The following ACSM1 variants were observed in gnomAD, a reference collection of about 807,000 sequenced individuals.
ACSM1 encodes acyl-coenzyme A synthetase ACSM1, mitochondrial.
In ACSM1, 79 loss-of-function variants were observed where a neutral mutation model predicts 75.8. That is an observed-to-expected ratio of 1.04 (90% CI 0.87 to 1.26). The LOEUF (loss-of-function observed/expected upper bound fraction) is 1.26, where lower values mean the gene tolerates loss of function less well. Ranked by LOEUF, ACSM1 falls within the 50% of genes most tolerant of loss-of-function variation. ACSM1 has a pLI of 0.00. For missense variants in ACSM1, 676 were observed against 720.1 expected, an observed-to-expected ratio of 0.94 and a Z score of 0.70; for synonymous variants, 279 against 265.8, an observed-to-expected ratio of 1.05 and a Z score of -0.48.
rs2017769309 is a variant in ACSM1 at position 20,637,234 on chromosome 16, A to G, written c.1197+137T>C. On this transcript the variant is annotated intron_variant, in intron 9 of 13. Coordinates refer to ENST00000520010, the MANE Select transcript of ACSM1 (RefSeq NM_001318890.3). ...GTTTTCAACTGAGGCCTCCATATGA[A>G]ACTGAAGGGATAAATGAGAAGAGAG... 14 of 824,018 alleles carry G rather than the reference A, an allele frequency of 1.7e-5. No homozygotes were observed. In the East Asian group the frequency reaches 3.4e-4, roughly 20 times the overall value. 51.0% of individuals were successfully genotyped at this position (824,018 alleles called of 1,614,324 possible). A position where few individuals can be genotyped will look rare whatever the true frequency, so the allele number is the denominator to read the frequency against.
rs181346845 is a variant in ACSM1, at chr16:20,669,003, C to A, written c.912+824G>T. Among the ~76,000 whole-genome samples the A allele has an allele frequency of 2.9e-4, 44 of 152,202 alleles. 1 individual carries two copies. In the South Asian group the frequency reaches 3.9e-3, roughly 14 times the overall value. ...TCCAAGGCCAGGAGACAGAACTCTG[C>A]AGTGGTTGTGCAGAGCGGGTGGATT... On this transcript the variant is annotated intron_variant, in intron 6 of 13. Coordinates refer to ENST00000520010, the MANE Select transcript of ACSM1 (RefSeq NM_001318890.3).
At chr16:20,676,560 A>C (rs2020290391) in intron 4 of ACSM1, among the ~76,000 whole-genome samples, 1 of 152,172 alleles carries the variant, frequency 6.6e-6, no homozygotes, top group Admixed American at 6.5e-5. Flanking sequence ...AATGCAACTC[A>C]GCTTATTAAA....
In ACSM1 at chr16:20,669,814, T is replaced by C. The variant is rs753868890; in HGVS notation, c.912+13A>G. On this transcript the variant is annotated intron_variant, in intron 6 of 13. Coordinates refer to ENST00000520010, the MANE Select transcript of ACSM1 (RefSeq NM_001318890.3). ...CTGGAATTTTGCTGATAGGGGAAGG[T>C]GAGTCTTCTTACCTGTATGATGACC... 1.2e-6 allele frequency: 2 copies of C among 1,609,922 alleles called. No individual in the cohort carries two copies. Among genetic ancestry groups the C allele is most frequent in the Non-Finnish European group, 1.7e-6 (2 of 1,177,588 alleles).
chr16:20,652,593 T>C (rs954980979), intron 7 of ACSM1, among the ~76,000 whole-genome samples: 1 of 151,966 alleles, frequency 6.6e-6, no homozygotes, highest in African/African-American at 2.4e-5. Context: ...ACCACAGAAA[T>C]ACAAACTACC....
At chr16:20,671,435 C>A in intron 5 of ACSM1, 96 bp downstream of exon 5, 7 of 1,265,392 alleles carry the variant, frequency 5.5e-6, no homozygotes, top group South Asian at 1.8e-5. Flanking sequence ...CAGTTCCTTT[C>A]CCAAGACACA....
intron 10 of ACSM1, among the ~76,000 whole-genome samples, chr16:20,633,758 G>A (rs181110708): frequency 5.3e-5 from 8 of 152,148 alleles, no homozygotes; most frequent in East Asian, 1.9e-4. Context: ...GGCCAGGCGC[G>A]GTAGCTCACA....
intron 1 of ACSM1, among the ~76,000 whole-genome samples, chr16:20,694,200 G>A (rs772685160): frequency 1.2e-4 from 18 of 152,290 alleles, no homozygotes; most frequent in Non-Finnish European, 2.5e-4. Flanking sequence ...AGCCAATCGG[G>A]ACAAATACAG....
chr16:20,678,146 C>A (rs896341103), intron 4 of ACSM1, among the ~76,000 whole-genome samples: 1 of 152,132 alleles, frequency 6.6e-6, no homozygotes, highest in African/African-American at 2.4e-5. Context: ...AAGCTACACT[C>A]CAAATGAAAG....
intron 4 of ACSM1, chr16:20,680,956 T>C (rs1407567997): frequency 6.6e-6 from 1 of 152,218 alleles, no homozygotes; most frequent in Non-Finnish European, 1.5e-5. Flanking sequence ...TGGTATCCAG[T>C]TGATGATGAA....
intron 6 of ACSM1, among the ~76,000 whole-genome samples, chr16:20,662,970 T>C (rs2019372734): frequency 6.6e-6 from 1 of 152,110 alleles, no homozygotes; most frequent in Non-Finnish European, 1.5e-5. Context: ...CCTTAGGCTG[T>C]GTTGGTAGAA....
At chr16:20,687,475 G>T (rs1229686806) in intron 2 of ACSM1, among the ~76,000 whole-genome samples, 1 of 152,134 alleles carries the variant, frequency 6.6e-6, no homozygotes, top group East Asian at 1.9e-4. Flanking sequence ...ATTAGTGAAG[G>T]TCTACCCCTG....
chr16:20,678,208 A>G (rs1327996699), intron 4 of ACSM1, among the ~76,000 whole-genome samples: 1 of 151,858 alleles, frequency 6.6e-6, no homozygotes, highest in Non-Finnish European at 1.5e-5. Context: ...GATAGTAAAA[A>G]TTTTCCAGTG....
chr16:20,665,842 A>G (rs1247282439), intron 6 of ACSM1, among the ~76,000 whole-genome samples: 1 of 152,200 alleles, frequency 6.6e-6, no homozygotes, highest in East Asian at 1.9e-4. Context: ...TATGCAGATC[A>G]ATAAACAGGA....
chr16:20,632,155 C>A (rs979131185), intron 10 of ACSM1, among the ~76,000 whole-genome samples: 3 of 151,994 alleles, frequency 2.0e-5, no homozygotes, highest in African/African-American at 7.3e-5. Flanking sequence ...GATCTCAAGC[C>A]GAAAACCTTA....
chr16:20,656,093 T>A (rs1406728423), intron 7 of ACSM1, among the ~76,000 whole-genome samples: 1 of 152,230 alleles, frequency 6.6e-6, no homozygotes, highest in East Asian at 1.9e-4. Context: ...TCACCTTTTG[T>A]TGGCTCCTGT....
rs748430793 is a variant in ACSM1, at chr16:20,636,716, G to A, written c.1299+23C>T. The A allele has an allele frequency of 9.5e-6, 15 of 1,581,674 alleles. No homozygotes were observed. In the South Asian group the frequency reaches 1.2e-4, roughly 13 times the overall value. On this transcript the variant is annotated intron_variant, in intron 10 of 13. Coordinates refer to ENST00000520010, the MANE Select transcript of ACSM1 (RefSeq NM_001318890.3). ...CTGTTGGGATCCTTGGGGCCAGGAT[G>A]GGGGCAGATGGGGGGTCATTACCTC... is the stretch of plus-strand genomic sequence containing the variant.
chr16:20,691,766 T>C lies in ACSM1; in HGVS notation c.-51-527A>G, dbSNP rs1188481663. Among the ~76,000 whole-genome samples, 252 of 54,004 alleles carry C rather than the reference T, an allele frequency of 4.7e-3. 2 individuals are homozygous for C. Among genetic ancestry groups the C allele is most frequent in the African/African-American group, 6.0e-3 (152 of 25,348 alleles). 35.4% of individuals were successfully genotyped at this position (54,004 alleles called of 152,430 possible). ...TACCTCTCCAATGTGTGTGTGTGTG[T>C]GTGTGTGTGTGTGTGTGTGTGTGTG... is the stretch of plus-strand genomic sequence containing the variant. On this transcript the variant is annotated intron_variant, in intron 1 of 13. Transcript: ENST00000520010.
chr16:20,677,180 A>G lies in ACSM1; in HGVS notation c.611+5076T>C, dbSNP rs183227802. Among the ~76,000 whole-genome samples, 13 of 151,820 alleles carry G rather than the reference A, an allele frequency of 8.6e-5. No homozygotes were observed. In the East Asian group the frequency reaches 1.7e-3, roughly 20 times the overall value. On this transcript the variant is annotated intron_variant, in intron 4 of 13. Coordinates refer to ENST00000520010, the MANE Select transcript of ACSM1 (RefSeq NM_001318890.3). ...AAGCCACAAAGAGAAGGAAAGAAAG[A>G]GCCCCTCCTCTAGGAGGCTAACCAG...
chr16:20,637,176 AG>A (rs771770394), intron 9 of ACSM1, 194 bp downstream of exon 9: 1 of 765,278 alleles, frequency 1.3e-6, no homozygotes, highest in South Asian at 1.4e-5. Context: ...CCTGGCTGCC[AG>A]GGTCAGCGGT....
Sources: allele counts gnomAD v4.1 joint callset (sites outside exome capture counted in the v4.1 genomes callset), GRCh38; gene constraint gnomAD v4.1.1; transcripts MANE v1.5; gene names NCBI Gene and HGNC (gene_info 2026-07-23, HGNC 2026-07-21).